Variants in TENM1 observed in about 807,000 individuals in gnomAD.
TENM1 encodes the protein teneurin transmembrane protein 1.
In TENM1, 35 loss-of-function variants were observed where a neutral mutation model predicts 174.8. That is an observed-to-expected ratio of 0.20 (90% CI 0.15 to 0.27). The LOEUF is 0.27. Among genes scored for constraint, TENM1 ranks in the 10% least tolerant of loss-of-function variants. The pLI is 1.00. For missense variants in TENM1, 1,633 were observed against 2,130.1 expected, an observed-to-expected ratio of 0.77 and a Z score of 4.59; for synonymous variants, 781 against 798.7, an observed-to-expected ratio of 0.98 and a Z score of 0.37.
At position 124,959,353 on chromosome X, in the gene TENM1, C is replaced by T. The variant is rs148869935; in HGVS notation, c.217+4184G>A. 2.9e-3 allele frequency among the ~76,000 whole-genome samples: 318 copies of T among 111,397 alleles called. 6 individuals carry two copies. Among genetic ancestry groups the T allele is most frequent in the African/African-American group, 9.6e-3 (295 of 30,653 alleles). ...ATACTGTTTCCAGACTTTTAGTTCC[C>T]GGGTCTGTATACTTTATTTTATATA... On this transcript the variant is annotated intron_variant, in intron 1 of 31. Coordinates refer to ENST00000422452, the Ensembl canonical transcript of TENM1.
intron 11 of TENM1, among the ~76,000 whole-genome samples, chrX:124,582,599 G>A (rs939264392): frequency 5.4e-5 from 6 of 112,145 alleles, no homozygotes; most frequent in African/African-American, 9.7e-5. Flanking sequence ...AGCTCCCAGC[G>A]TGAGCGACAC....
chrX:125,064,891 A>G, the TENM1 span, among the ~76,000 whole-genome samples: 1 of 111,765 alleles, frequency 8.9e-6, no homozygotes, highest in Admixed American at 9.5e-5. Flanking sequence ...AGCCAACACC[A>G]TAGACGTCTT....
At chrX:124,737,473 G>A (rs2053701862) in intron 3 of TENM1, among the ~76,000 whole-genome samples, 1 of 112,141 alleles carries the variant, frequency 8.9e-6, no homozygotes. Context: ...CACACCATTT[G>A]TCATAGTTTC....
the TENM1 span, among the ~76,000 whole-genome samples, chrX:125,083,978 A>G: frequency 3.6e-5 from 4 of 111,496 alleles, no homozygotes; most frequent in Non-Finnish European, 7.6e-5. Flanking sequence ...AGGTGAGACC[A>G]CAAGATGTTT....
At chrX:124,925,693 T>C (rs751088374) in intron 1 of TENM1, among the ~76,000 whole-genome samples, 1 of 112,656 alleles carries the variant, frequency 8.9e-6, no homozygotes, top group Non-Finnish European at 1.9e-5. Context: ...AAGGAATAGT[T>C]ACAAGGCTTA....
At chrX:124,529,964 C>T in exon 16 of TENM1, 1 of 1,210,620 alleles carries the variant, frequency 8.3e-7, no homozygotes, top group African/African-American at 1.7e-5. Context: ...ACCACTTGGC[C>T]TCGAATCACA....
At chrX:125,144,664 C>T in the TENM1 span, among the ~76,000 whole-genome samples, 1 of 111,598 alleles carries the variant, frequency 9.0e-6, no homozygotes, top group Non-Finnish European at 1.9e-5. Context: ...AGGTAACGAA[C>T]AACCATGAGG....
chrX:124,850,486 T>C (rs1215123699), intron 3 of TENM1, among the ~76,000 whole-genome samples: 1 of 111,398 alleles, frequency 9.0e-6, no homozygotes, highest in Non-Finnish European at 1.9e-5. Flanking sequence ...AAGTAAACTC[T>C]ACAAAACTAA....
chrX:125,151,929 T>C, the TENM1 span, among the ~76,000 whole-genome samples: 2 of 111,606 alleles, frequency 1.8e-5, no homozygotes, highest in Admixed American at 9.5e-5. Context: ...ATAATAACTT[T>C]AGCTAAAATA....
the TENM1 span, among the ~76,000 whole-genome samples, chrX:125,006,845 C>G: frequency 4.5e-5 from 5 of 111,066 alleles, no homozygotes; most frequent in African/African-American, 1.6e-4. Flanking sequence ...AAAAGAACCT[C>G]CCCCCAACAA....
chrX:125,004,790 G>T, the TENM1 span, among the ~76,000 whole-genome samples: 76 of 111,349 alleles, frequency 6.8e-4, no homozygotes, highest in African/African-American at 2.2e-3. Flanking sequence ...TATATAAAAA[G>T]AGCAAAACAT....
At chrX:124,756,251 C>T (rs1287120758) in intron 3 of TENM1, among the ~76,000 whole-genome samples, 1 of 103,552 alleles carries the variant, frequency 9.7e-6, no homozygotes, top group Non-Finnish European at 1.9e-5. Flanking sequence ...CATCTTCCAT[C>T]ACTGATACCC....
chrX:125,201,479 C>A, the TENM1 span, among the ~76,000 whole-genome samples: 1 of 111,965 alleles, frequency 8.9e-6, no homozygotes, highest in Non-Finnish European at 1.9e-5. Flanking sequence ...GAACCTAAAC[C>A]TAATGGAAAA....
intron 4 of TENM1, among the ~76,000 whole-genome samples, chrX:124,730,145 C>T (rs765312554): frequency 9.0e-6 from 1 of 111,032 alleles, no homozygotes; most frequent in Admixed American, 9.5e-5. Flanking sequence ...GTTGGGATTA[C>T]AGGTGTGAGC....
intron 4 of TENM1, among the ~76,000 whole-genome samples, chrX:124,706,214 T>G (rs2052902712): frequency 8.9e-6 from 1 of 112,593 alleles, no homozygotes. Context: ...TTTTTAGTTT[T>G]TAAGCATTTT....
chrX:124,845,768 C>T (rs751704203), intron 3 of TENM1, among the ~76,000 whole-genome samples: 153 of 109,651 alleles, frequency 1.4e-3, no homozygotes, highest in African/African-American at 4.3e-3. Flanking sequence ...GGGGCATGTA[C>T]GGAAGCGGGT....
intron 11 of TENM1, among the ~76,000 whole-genome samples, chrX:124,571,360 T>A (rs750270423): frequency 8.9e-6 from 1 of 111,848 alleles, no homozygotes; most frequent in African/African-American, 3.2e-5. Context: ...TAGAGGAAAT[T>A]TACAGCCTGA....
At chrX:124,597,196 CATTA>C (rs2049916141) in intron 11 of TENM1, among the ~76,000 whole-genome samples, 1 of 111,569 alleles carries the variant, frequency 9.0e-6, no homozygotes, top group African/African-American at 3.3e-5. Flanking sequence ...GAAAAGATGT[CATTA>C]TATGGAAAAA....
At chrX:125,081,431 A>G in the TENM1 span, among the ~76,000 whole-genome samples, 1 of 110,482 alleles carries the variant, frequency 9.1e-6, no homozygotes, top group Non-Finnish European at 1.9e-5. Context: ...CTGTCTTTCA[A>G]TTTCCCTCCC....
Sources: gnomAD v4.1 joint callset for allele counts (sites outside exome capture counted in the v4.1 genomes callset) on GRCh38, gnomAD v4.1.1 for gene constraint, MANE v1.5 for transcripts, NCBI Gene and HGNC (gene_info 2026-07-23, HGNC 2026-07-21) for gene names.